KCNIP4: variants seen among roughly 807,000 people sequenced by gnomAD.
KCNIP4 encodes the protein potassium voltage-gated channel interacting protein 4.
Under a neutral mutation model 34.0 loss-of-function variants are expected in KCNIP4, and 12 were observed. The ratio of observed to expected loss-of-function variants is 0.35; its 90% CI spans 0.23 to 0.57. The LOEUF (loss-of-function observed/expected upper bound fraction) is 0.57, where lower values mean the gene tolerates loss of function less well. Among genes scored for constraint, KCNIP4 ranks in the 20% least tolerant of loss-of-function variants. KCNIP4 has a pLI of 0.83. For synonymous variants in KCNIP4, 124 were observed against 102.2 expected (o/e 1.21, Z -1.29); for missense variants, 238 against 311.7 (o/e 0.76, Z 1.78).
intron 1 of KCNIP4, among the ~76,000 whole-genome samples, chr4:21,875,155 A>G (rs1039346620): frequency 6.6e-6 from 1 of 152,194 alleles, no homozygotes; most frequent in African/African-American, 2.4e-5. Flanking sequence ...AACTTAAACA[A>G]GGTCACAGAG....
At chr4:21,701,652 A>G (rs1712851307) in intron 1 of KCNIP4, among the ~76,000 whole-genome samples, 1 of 152,190 alleles carries the variant, frequency 6.6e-6, no homozygotes, top group South Asian at 2.1e-4. Context: ...GATATCTATA[A>G]TGTACTCAAA....
At chr4:21,100,870 C>G (rs1047781035) in intron 1 of KCNIP4, among the ~76,000 whole-genome samples, 2 of 152,010 alleles carry the variant, frequency 1.3e-5, no homozygotes, top group African/African-American at 4.8e-5. Context: ...AGGAGCTGAA[C>G]CTGCAATATG....
At position 21,904,761 on chromosome 4, in the gene KCNIP4, A is replaced by G. The variant is rs572168410; in HGVS notation, c.61+43810T>C. On this transcript the variant is annotated intron_variant, in intron 1 of 8. Coordinates refer to ENST00000382152, the MANE Select transcript of KCNIP4 (RefSeq NM_025221.6). ...TTTGTGGTAGGGGGTTGTCTTGACA[A>G]TTCTATGATATTTAGCAGCATGACA... Among the ~76,000 whole-genome samples, 14 of 152,244 alleles carry G rather than the reference A, an allele frequency of 9.2e-5. No homozygotes were observed. In the South Asian group the frequency reaches 2.5e-3, roughly 27 times the overall value.
intron 1 of KCNIP4, among the ~76,000 whole-genome samples, chr4:21,332,134 A>C (rs1715701064): frequency 6.6e-6 from 1 of 152,094 alleles, no homozygotes. Context: ...TATTTACATA[A>C]AATGGAATCA....
At chr4:20,990,084 T>G (rs1215743390) in intron 1 of KCNIP4, among the ~76,000 whole-genome samples, 1 of 152,204 alleles carries the variant, frequency 6.6e-6, no homozygotes, top group Non-Finnish European at 1.5e-5. Context: ...ACATCAGGAC[T>G]TGATGGGGCA....
chr4:21,711,475 C>T (rs1046929935), intron 1 of KCNIP4, among the ~76,000 whole-genome samples: 2 of 150,504 alleles, frequency 1.3e-5, no homozygotes, highest in Admixed American at 6.6e-5. Flanking sequence ...AGCGAGACTC[C>T]GTCTCAAAAA....
Position 21,528,776 on chromosome 4 carries a change from AAAGGAAGAAAGGAAGAAAGG to A in KCNIP4, c.61+419775_61+419794del, listed in dbSNP as rs1736346493. 1.0e-3 allele frequency among the ~76,000 whole-genome samples: 14 copies of A among 13,896 alleles called. 2 individuals are homozygous for A. The highest frequency in any genetic ancestry group is 7.8e-3 in the South Asian group (2 of 256). 9.1% of individuals were successfully genotyped at this position (13,896 alleles called of 152,430 possible). A position where few individuals can be genotyped will look rare whatever the true frequency, so the allele number is the denominator to read the frequency against. On this transcript the variant is annotated intron_variant, in intron 1 of 8. Coordinates refer to ENST00000382152, the MANE Select transcript of KCNIP4 (RefSeq NM_025221.6). ...GAAAGAAAGAAAGAAAGAAAGAAAG[AAAGGAAGAAAGGAAGAAAGG>A]AAGAAAGGAAGGAAGGAAGGAAGGA...
chr4:20,840,107 G>T (rs1024965839), intron 3 of KCNIP4, among the ~76,000 whole-genome samples: 1 of 152,148 alleles, frequency 6.6e-6, no homozygotes, highest in African/African-American at 2.4e-5. Flanking sequence ...ACGTCTAATG[G>T]CTTCCTTGCT....
chr4:21,531,835 T>C (rs1234576661), intron 1 of KCNIP4, among the ~76,000 whole-genome samples: 3 of 152,166 alleles, frequency 2.0e-5, no homozygotes, highest in African/African-American at 7.2e-5. Context: ...TTTAAATATA[T>C]TATTTTATTC....
intron 3 of KCNIP4, among the ~76,000 whole-genome samples, chr4:20,767,945 T>TAAGAACATAC (rs1459574763): frequency 6.6e-6 from 1 of 152,360 alleles, no homozygotes; most frequent in Admixed American, 6.5e-5. Flanking sequence ...TCTCTGGTGC[T>TAAGAACATAC]AAGGAGAACA....
At chr4:21,632,074 T>G (rs1349631023) in intron 1 of KCNIP4, among the ~76,000 whole-genome samples, 1 of 152,176 alleles carries the variant, frequency 6.6e-6, no homozygotes, top group Non-Finnish European at 1.5e-5. Context: ...CAATTTTACC[T>G]TTTTTTCCTT....
intron 1 of KCNIP4, among the ~76,000 whole-genome samples, chr4:21,066,240 C>T (rs1744371166): frequency 6.6e-6 from 1 of 152,068 alleles, no homozygotes; most frequent in Non-Finnish European, 1.5e-5. Context: ...TTTACTGTGG[C>T]TTCCATTCAG....
chr4:21,006,652 GA>G (rs1211806772), intron 1 of KCNIP4, among the ~76,000 whole-genome samples: 1 of 152,218 alleles, frequency 6.6e-6, no homozygotes, highest in Non-Finnish European at 1.5e-5. Flanking sequence ...GCTGTCGGTA[GA>G]ATGAGTGTTT....
chr4:21,530,877 C>A (rs1268937991), intron 1 of KCNIP4, among the ~76,000 whole-genome samples: 1 of 152,116 alleles, frequency 6.6e-6, no homozygotes, highest in Non-Finnish European at 1.5e-5. Flanking sequence ...GGACAGATCA[C>A]CAGAGCATAA....
chr4:21,924,784 C>G lies in KCNIP4; in HGVS notation c.61+23787G>C, dbSNP rs144598733. Among the ~76,000 whole-genome samples the G allele has an allele frequency of 2.0e-3, 307 of 152,174 alleles. 7 individuals are homozygous for G. The East Asian group carries it at 0.056, about 28-fold the overall frequency. On this transcript the variant is annotated intron_variant, in intron 1 of 8. Transcript: ENST00000382152. ...TATTCAGGCTGCTGCCCTAGGGTCC[C>G]TTTCCTATACCCCTCTCCTCCCTCT...
intron 1 of KCNIP4, among the ~76,000 whole-genome samples, chr4:21,733,881 A>G (rs1715794498): frequency 6.6e-6 from 1 of 152,202 alleles, no homozygotes; most frequent in Non-Finnish European, 1.5e-5. Flanking sequence ...AATGCATATG[A>G]CATCCATGGA....
chr4:21,139,595 A>G (rs6448027), intron 1 of KCNIP4, among the ~76,000 whole-genome samples: 2 of 151,994 alleles, frequency 1.3e-5, no homozygotes, highest in South Asian at 4.2e-4. Context: ...CCACATCCAA[A>G]GAGACATGAC....
intron 1 of KCNIP4, among the ~76,000 whole-genome samples, chr4:21,461,480 A>T (rs373651869): frequency 6.6e-6 from 1 of 152,046 alleles, no homozygotes; most frequent in East Asian, 1.9e-4. Flanking sequence ...GTTTTACAAA[A>T]GTATCAGTTC....
chr4:21,918,306 G>A (rs145546516), intron 1 of KCNIP4, among the ~76,000 whole-genome samples: 22 of 152,294 alleles, frequency 1.4e-4, no homozygotes, highest in African/African-American at 5.1e-4. Flanking sequence ...GATGAAAAAA[G>A]TATATTTTTG....
Sources: allele counts gnomAD v4.1 joint callset (sites outside exome capture counted in the v4.1 genomes callset), GRCh38; gene constraint gnomAD v4.1.1; transcripts MANE v1.5; gene names NCBI Gene and HGNC (gene_info 2026-07-23, HGNC 2026-07-21).